The following PCDH11Y variants were observed in gnomAD, a reference collection of about 807,000 sequenced individuals.
PCDH11Y encodes protocadherin-11 Y-linked.
For missense variants in PCDH11Y, 12 were observed against 224.8 expected (o/e 0.05, Z 6.05); for synonymous variants, 9 against 83.6 (o/e 0.11, Z 4.87).
At chrY:5,492,858 T>C in intron 2 of PCDH11Y, among the ~76,000 whole-genome samples, 1 of 33,344 alleles carries the variant, frequency 3.0e-5, no homozygotes, top group African/African-American at 1.2e-4. Context: ...CATCTCATAT[T>C]AATTTCCAGG....
intron 2 of PCDH11Y, among the ~76,000 whole-genome samples, chrY:5,328,203 G>A (rs2124666955): frequency 3.0e-5 from 1 of 33,794 alleles, no homozygotes; most frequent in South Asian, 6.6e-4. Flanking sequence ...CCTGGGCTGC[G>A]GGTGTTCCTT....
chrY:5,727,703 C>T, intron 4 of PCDH11Y, among the ~76,000 whole-genome samples: 1 of 31,498 alleles, frequency 3.2e-5, no homozygotes, highest in Non-Finnish European at 7.8e-5. Context: ...AAAAATAATT[C>T]TGAATTGAAT....
At chrY:5,600,217 T>C in intron 4 of PCDH11Y, among the ~76,000 whole-genome samples, 2 of 22,566 alleles carry the variant, frequency 8.9e-5, no homozygotes, top group Admixed American at 4.5e-4. Flanking sequence ...CTCGGCTCAC[T>C]GCATCCTCCG....
intron 2 of PCDH11Y, among the ~76,000 whole-genome samples, chrY:5,469,074 C>A: frequency 3.6e-5 from 1 of 27,573 alleles, no homozygotes; most frequent in East Asian, 9.4e-4. Context: ...ATAAAGGAAG[C>A]CTGAGAGAGT....
chrY:5,018,757 C>G, intron 1 of PCDH11Y, among the ~76,000 whole-genome samples: 1 of 30,638 alleles, frequency 3.3e-5, no homozygotes, highest in South Asian at 7.6e-4. Flanking sequence ...TGCAGCAATT[C>G]CTTATTCTTT....
intron 2 of PCDH11Y, among the ~76,000 whole-genome samples, chrY:5,387,505 T>A: frequency 3.2e-5 from 1 of 31,568 alleles, no homozygotes. Context: ...CTGCACAAAG[T>A]CCTGTGATGT....
chrY:5,532,829 C>CCT (rs2053396209), intron 3 of PCDH11Y, among the ~76,000 whole-genome samples: 9 of 16,752 alleles, frequency 5.4e-4, no homozygotes, highest in African/African-American at 3.0e-3. Flanking sequence ...TCCCTCCACC[C>CCT]TTTTTTTTTT....
intron 4 of PCDH11Y, among the ~76,000 whole-genome samples, chrY:5,728,022 C>T: frequency 3.0e-5 from 1 of 32,816 alleles, no homozygotes; most frequent in Non-Finnish European, 7.5e-5. Flanking sequence ...GAACCATACA[C>T]GATGTAGACT....
At position 5,726,985 on chromosome Y, in the gene PCDH11Y, A is replaced by T; in HGVS notation, c.3353-10287A>T. Among the ~76,000 whole-genome samples the T allele has an allele frequency of 1.5e-4, 5 of 33,272 alleles. No homozygotes were observed. The East Asian group carries it at 3.9e-3, about 26-fold the overall frequency. The allele number at this position is 33,272 out of a possible 37,273, so 89.3% of individuals were successfully genotyped here. ...CATTTTAAACGTTAATCTCCTAGGG[A>T]CACGTTTATTTTAAGTGAGCTCTAA... On this transcript the variant is annotated intron_variant, in intron 4 of 4. Transcript: ENST00000400457.
At chrY:5,545,424 AAAT>A (rs2053412078) in intron 3 of PCDH11Y, among the ~76,000 whole-genome samples, 2 of 32,733 alleles carry the variant, frequency 6.1e-5, no homozygotes, top group African/African-American at 2.3e-4. Flanking sequence ...CTTTCAACAG[AAAT>A]ACCATTTAGA....
At position 5,337,862 on chromosome Y, in the gene PCDH11Y, C is replaced by T. The variant is rs756317405; in HGVS notation, c.3130-163195C>T. ...CACCATGTTAATAGCCACACCTTTA[C>T]GGCCAAACCGTCCACCTCGACTGAT... On this transcript the variant is annotated intron_variant, in intron 2 of 4. Transcript: ENST00000400457. 7.1e-4 allele frequency: 279 copies of T among 392,077 alleles called. No individual in the cohort carries two copies. In the Admixed American group the frequency reaches 0.014, roughly 19 times the overall value.
chrY:5,051,778 T>C, upstream of PCDH11Y, among the ~76,000 whole-genome samples: 1 of 33,578 alleles, frequency 3.0e-5, no homozygotes, highest in African/African-American at 1.2e-4. Flanking sequence ...GTAAGCAAGC[T>C]GTTTGTGGAA....
intron 4 of PCDH11Y, among the ~76,000 whole-genome samples, chrY:5,611,662 C>T: frequency 3.4e-5 from 1 of 29,311 alleles, no homozygotes; most frequent in Non-Finnish European, 8.2e-5. Context: ...GTGGAGCCTA[C>T]AGAGGCAGGC....
intron 2 of PCDH11Y, among the ~76,000 whole-genome samples, chrY:5,420,918 C>A (rs1602922816): frequency 5.3e-4 from 14 of 26,601 alleles, no homozygotes; most frequent in Non-Finnish European, 7.1e-4. Flanking sequence ...AAAAAAAAAA[C>A]AACCCTTGAC....
At chrY:5,222,937 G>A (rs2052955850) in intron 2 of PCDH11Y, among the ~76,000 whole-genome samples, 3 of 33,255 alleles carry the variant, frequency 9.0e-5, no homozygotes, top group Non-Finnish European at 2.2e-4. Flanking sequence ...TGTGGTATCC[G>A]TTGTAATGCC....
intron 4 of PCDH11Y, among the ~76,000 whole-genome samples, chrY:5,603,919 G>GAAAAGA (rs2053476258): frequency 3.9e-5 from 1 of 25,908 alleles, no homozygotes; most frequent in African/African-American, 1.5e-4. Flanking sequence ...AAGAAAGAAA[G>GAAAAGA]AAAGAAAAGA....
At chrY:5,256,523 C>T in intron 2 of PCDH11Y, among the ~76,000 whole-genome samples, 1 of 33,079 alleles carries the variant, frequency 3.0e-5, no homozygotes, top group South Asian at 6.8e-4. Context: ...TTTGTTTACT[C>T]TGGGTGTTTG....
intron 2 of PCDH11Y, among the ~76,000 whole-genome samples, chrY:5,482,006 T>C (rs2053326599): frequency 4.2e-5 from 1 of 24,070 alleles, no homozygotes; most frequent in Non-Finnish European, 1.0e-4. Context: ...CTTTTTTTTT[T>C]TTTTTTTTTT....
intron 3 of PCDH11Y, among the ~76,000 whole-genome samples, chrY:5,559,755 C>T (rs2124694999): frequency 3.0e-5 from 1 of 33,228 alleles, no homozygotes; most frequent in East Asian, 8.0e-4. Flanking sequence ...TGTGAGGCCT[C>T]CCCAGCCATG....
Sources: gnomAD v4.1 joint callset for allele counts (sites outside exome capture counted in the v4.1 genomes callset) on GRCh38, gnomAD v4.1.1 for gene constraint, MANE v1.5 for transcripts, NCBI Gene and HGNC (gene_info 2026-07-23, HGNC 2026-07-21) for gene names.